Variants in GPC5 observed in about 807,000 individuals in gnomAD.
The protein encoded by GPC5 is glypican 5, also known as glypican-5.
In GPC5, 47 loss-of-function variants were observed where a neutral mutation model predicts 53.9. The observed-to-expected ratio is 0.87, with a 90% CI of 0.69 to 1.11. The LOEUF is 1.11. Ranked by LOEUF, GPC5 falls within the 50% of genes most tolerant of loss-of-function variation. The pLI is 0.00. For synonymous variants in GPC5, 286 were observed against 263.3 expected (o/e 1.09, Z -0.84); for missense variants, 748 against 713.1 (o/e 1.05, Z -0.56).
rs548102303 is a variant in GPC5 at position 91,901,687 on chromosome 13, A to G, written c.1281-6250A>G. On this transcript the variant is annotated intron_variant, in intron 5 of 7. Transcript: ENST00000377067. ...GTTTGTATGGAAAATTTGTTCTTGTAGAAGCAGTTCACCTTCACTGATGAA... is the reference window on the plus strand; with the variant it reads ...GTTTGTATGGAAAATTTGTTCTTGTGGAAGCAGTTCACCTTCACTGATGAA... Among the ~76,000 whole-genome samples the G allele has an allele frequency of 2.5e-3, 385 of 152,176 alleles. 3 individuals are homozygous for G. The highest frequency in any genetic ancestry group is 9.0e-3 in the African/African-American group (373 of 41,558).
intron 6 of GPC5, among the ~76,000 whole-genome samples, chr13:92,008,907 T>A (rs1003885870): frequency 1.3e-5 from 2 of 152,172 alleles, no homozygotes; most frequent in Non-Finnish European, 2.9e-5. Context: ...TCTATTGCTA[T>A]GTCTTCAAAT....
Position 92,651,411 on chromosome 13 carries a change from C to T in GPC5, c.1562-214871C>T, listed in dbSNP as rs149010113. 2.4e-3 allele frequency among the ~76,000 whole-genome samples: 361 copies of T among 152,204 alleles called. 4 individuals are homozygous for T. The highest frequency in any genetic ancestry group is 8.5e-3 in the African/African-American group (351 of 41,532). ...TAGTCTTCTCCAGAACACATAACCTCAGTCTAATCATGAGAGAAACATCAA... is the reference window on the plus strand; with the variant it reads ...TAGTCTTCTCCAGAACACATAACCTTAGTCTAATCATGAGAGAAACATCAA... On this transcript the variant is annotated intron_variant, in intron 7 of 7. Coordinates refer to ENST00000377067, the MANE Select transcript of GPC5 (RefSeq NM_004466.6).
chr13:92,529,929 A>C (rs1342632850), intron 7 of GPC5, among the ~76,000 whole-genome samples: 1 of 152,038 alleles, frequency 6.6e-6, no homozygotes, highest in East Asian at 1.9e-4. Flanking sequence ...CTATAAATTT[A>C]AAAAATTAGC....
chr13:92,223,892 A>G (rs1381973063), intron 7 of GPC5, among the ~76,000 whole-genome samples: 1 of 152,184 alleles, frequency 6.6e-6, no homozygotes, highest in African/African-American at 2.4e-5. Flanking sequence ...AGCATTTTGC[A>G]TGAAATTTGT....
intron 7 of GPC5, among the ~76,000 whole-genome samples, chr13:92,569,105 G>A (rs1882946648): frequency 8.8e-6 from 1 of 113,822 alleles, no homozygotes; most frequent in Admixed American, 1.3e-4. Flanking sequence ...AGTCCCCAGA[G>A]TGTGATGTTC....
At position 91,908,010 on chromosome 13, in the gene GPC5, G is replaced by C. The variant is rs201904220; in HGVS notation, c.1354G>C (p.Asp452His). The change falls in exon 6 of 8, where the codon GAT (aspartate) becomes CAT (histidine). Residue 452 changes from aspartate to histidine, a missense_variant. Coordinates refer to ENST00000377067, the MANE Select transcript of GPC5 (RefSeq NM_004466.6). Reference sequence around the variant, plus strand: ...TCCTGAAGTCAAAGTCAAAGGAATTGATCCTGTGATAAATCAGATTATTGA... The same window carrying C: ...TCCTGAAGTCAAAGTCAAAGGAATTCATCCTGTGATAAATCAGATTATTGA... ...GNPEVKVKGI[D>H]PVINQIIDKL... 2.0e-5 allele frequency: 32 copies of C among 1,593,784 alleles called. No homozygotes were observed. The highest frequency in any genetic ancestry group is 2.6e-5 in the Non-Finnish European group (31 of 1,177,176).
intron 7 of GPC5, among the ~76,000 whole-genome samples, chr13:92,193,482 T>C (rs545088782): frequency 5.3e-5 from 8 of 152,340 alleles, no homozygotes; most frequent in Admixed American, 2.0e-4. Context: ...GTTTCCTATA[T>C]TGGATAATAG....
chr13:92,296,786 G>A (rs372917737), intron 7 of GPC5, among the ~76,000 whole-genome samples: 5 of 152,216 alleles, frequency 3.3e-5, no homozygotes, highest in East Asian at 3.9e-4. Context: ...CTGGCCCCGG[G>A]CAATGAGGGA....
chr13:91,651,526 C>T (rs1381699934), intron 2 of GPC5, among the ~76,000 whole-genome samples: 2 of 152,052 alleles, frequency 1.3e-5, no homozygotes, highest in African/African-American at 4.8e-5. Context: ...TCAAGACCTG[C>T]CTGACCAACA....
intron 2 of GPC5, among the ~76,000 whole-genome samples, chr13:91,673,900 T>C (rs2139688850): frequency 6.6e-6 from 1 of 152,312 alleles, no homozygotes; most frequent in South Asian, 2.1e-4. Flanking sequence ...GTTATCATTG[T>C]AAAAGCATTC....
intron 3 of GPC5, among the ~76,000 whole-genome samples, chr13:91,721,320 A>G (rs909524715): frequency 6.6e-6 from 1 of 151,900 alleles, no homozygotes; most frequent in Admixed American, 6.6e-5. Context: ...TTTTTAGTAG[A>G]GATAGGGTTT....
At chr13:92,829,220 T>C (rs568034427) in intron 7 of GPC5, among the ~76,000 whole-genome samples, 1 of 152,276 alleles carries the variant, frequency 6.6e-6, no homozygotes, top group African/African-American at 2.4e-5. Context: ...ATTGCCACAA[T>C]ACATTTTCTG....
chr13:92,313,469 A>G (rs1344270018), intron 7 of GPC5, among the ~76,000 whole-genome samples: 1 of 152,258 alleles, frequency 6.6e-6, no homozygotes, highest in African/African-American at 2.4e-5. Flanking sequence ...ACAAAGCAAC[A>G]TAGCAGAAAT....
intron 2 of GPC5, among the ~76,000 whole-genome samples, chr13:91,498,510 T>C (rs1035338877): frequency 6.6e-6 from 1 of 152,016 alleles, no homozygotes; most frequent in South Asian, 2.1e-4. Flanking sequence ...TTAACTAGGG[T>C]GTGAACTGGG....
intron 7 of GPC5, among the ~76,000 whole-genome samples, chr13:92,621,750 C>T (rs1884877029): frequency 6.6e-6 from 1 of 151,962 alleles, no homozygotes; most frequent in South Asian, 2.1e-4. Flanking sequence ...ACCCAGGATG[C>T]CGAGGTTGCA....
chr13:92,641,441 G>A (rs1487907187), intron 7 of GPC5, among the ~76,000 whole-genome samples: 2 of 152,166 alleles, frequency 1.3e-5, no homozygotes, highest in Non-Finnish European at 2.9e-5. Context: ...ATAGAATAAA[G>A]AAGGTGAAAG....
At chr13:92,486,722 T>C (rs1011249053) in intron 7 of GPC5, among the ~76,000 whole-genome samples, 1 of 152,198 alleles carries the variant, frequency 6.6e-6, no homozygotes, top group Admixed American at 6.5e-5. Context: ...TCCAAAAAAA[T>C]AGACACGTGG....
rs1487937762 is a variant in GPC5, at chr13:92,643,440, C to T, written c.1562-222842C>T. Reference sequence around the variant, plus strand: ...GACACATGCACACGTATGTTTATTGCGGCATTATTCACAATAGCAAAGACT... The same window carrying T: ...GACACATGCACACGTATGTTTATTGTGGCATTATTCACAATAGCAAAGACT... On this transcript the variant is annotated intron_variant, in intron 7 of 7. Transcript: ENST00000377067. 1.4e-4 allele frequency among the ~76,000 whole-genome samples: 20 copies of T among 147,818 alleles called. No homozygotes were observed. In the East Asian group the frequency reaches 2.0e-3, roughly 15 times the overall value.
intron 2 of GPC5, among the ~76,000 whole-genome samples, chr13:91,502,093 T>C (rs1054315609): frequency 1.3e-5 from 2 of 152,198 alleles, no homozygotes; most frequent in Non-Finnish European, 2.9e-5. Flanking sequence ...GATGGGGTTG[T>C]TTGTTTTTTT....
Sources: gnomAD v4.1 joint callset for allele counts (sites outside exome capture counted in the v4.1 genomes callset) on GRCh38, gnomAD v4.1.1 for gene constraint, MANE v1.5 for transcripts, NCBI Gene and HGNC (gene_info 2026-07-23, HGNC 2026-07-21) for gene names.